Variants in TFEB observed in about 807,000 individuals in gnomAD.
TFEB encodes the protein T-cell transcription factor EB.
A neutral mutation model predicts 48.0 loss-of-function variants in TFEB; 12 were observed. That is an observed-to-expected ratio of 0.25 (90% CI 0.16 to 0.40). The LOEUF (loss-of-function observed/expected upper bound fraction) is 0.40, where lower values mean the gene tolerates loss of function less well. Ranked by LOEUF, TFEB falls within the 10% of genes least tolerant of loss-of-function variation. TFEB has a pLI of 1.00. For missense variants in TFEB, 509 were observed against 640.3 expected, an observed-to-expected ratio of 0.79 and a Z score of 2.21; for synonymous variants, 244 against 261.4, an observed-to-expected ratio of 0.93 and a Z score of 0.64.
At position 41,691,308 on chromosome 6, in the gene TFEB, G is replaced by A. The variant is rs555846882; in HGVS notation, c.-22-73C>T. 1 of 1,446,430 alleles carries A rather than the reference G, an allele frequency of 6.9e-7. No homozygotes were observed. Among genetic ancestry groups the A allele is most frequent in the Non-Finnish European group, 9.5e-7 (1 of 1,051,868 alleles). The allele number at this position is 1,446,430 out of a possible 1,614,324, so 89.6% of individuals were successfully genotyped here. ...AAAGCACAGGGGCTGGCAGGGGGAG[G>A]CCAGAATGACTGGGACCGCATCCAT... On this transcript the variant is annotated intron_variant, in intron 1 of 8. Coordinates refer to ENST00000373033, the MANE Select transcript of TFEB (RefSeq NM_001271944.2). This position sits in a 1 kb window ranked among gnomAD's most constrained non-coding sequence, Gnocchi z 5.2.
chr6:41,716,423 A>G (rs1350888340), intron 1 of TFEB, among the ~76,000 whole-genome samples: 6 of 152,118 alleles, frequency 3.9e-5, no homozygotes, highest in East Asian at 3.9e-4. Context: ...TGGGAAACCT[A>G]TCTGATGAGC....
chr6:41,734,395 G>C lies in TFEB; in HGVS notation c.-23+955C>G. 1.2e-5 allele frequency: 12 copies of C among 984,956 alleles called. No individual in the cohort carries two copies. Among genetic ancestry groups the C allele is most frequent in the Non-Finnish European group, 1.4e-5 (12 of 829,682 alleles). The allele number at this position is 984,956 out of a possible 1,614,324, so 61.0% of individuals were successfully genotyped here. ...CCGGAGCAGCTCGGGGCAGCCGTGC[G>C]TGAAGCCGGAACCCCGCGCGGGGAG... On this transcript the variant is annotated intron_variant, in intron 1 of 8. Transcript: ENST00000373033. The surrounding 1 kb of genome is among the most constrained non-coding windows in gnomAD (Gnocchi z 4.0).
chr6:41,689,652 T>C, intron 4 of TFEB, 79 bp downstream of exon 4: 1 of 1,137,492 alleles, frequency 8.8e-7, no homozygotes, highest in Non-Finnish European at 1.3e-6. Flanking sequence ...CTGTCTCCAC[T>C]CTCTCCAGGC....
intron 1 of TFEB, among the ~76,000 whole-genome samples, chr6:41,727,158 G>A (rs762534924): frequency 1.3e-5 from 2 of 152,220 alleles, no homozygotes; most frequent in Non-Finnish European, 2.9e-5. Context: ...TCACCCTACC[G>A]TGGACCATTC....
intron 1 of TFEB, among the ~76,000 whole-genome samples, chr6:41,695,842 G>A (rs566816484): frequency 6.6e-5 from 10 of 152,168 alleles, no homozygotes; most frequent in Non-Finnish European, 1.5e-4. Context: ...GCTTCTGGGG[G>A]TTTATGGGGG....
chr6:41,701,775 T>G (rs1471073631), intron 1 of TFEB, among the ~76,000 whole-genome samples: 1 of 151,678 alleles, frequency 6.6e-6, no homozygotes, highest in Non-Finnish European at 1.5e-5. Context: ...TGAAACCCTG[T>G]CTCTACTAAA....
At chr6:41,687,611 T>C in intron 6 of TFEB, 142 bp downstream of exon 6, 1 of 1,015,846 alleles carries the variant, frequency 9.8e-7, no homozygotes, top group Non-Finnish European at 1.5e-6. Context: ...GCGACAGCAA[T>C]GGGAGGGCTT....
At chr6:41,716,905 G>C (rs1440687026) in intron 1 of TFEB, among the ~76,000 whole-genome samples, 2 of 152,108 alleles carry the variant, frequency 1.3e-5, no homozygotes, top group Non-Finnish European at 2.9e-5. Context: ...GGAGCATTTC[G>C]AACCTAACTG....
intron 7 of TFEB, 131 bp from the exon 8 acceptor site, chr6:41,686,368 G>A (rs1399741111): frequency 2.4e-6 from 3 of 1,231,852 alleles, no homozygotes; most frequent in Admixed American, 2.3e-5. Flanking sequence ...TGGAGGTGGA[G>A]GTGGCTGATC....
At chr6:41,717,127 G>GC (rs1770771281) in intron 1 of TFEB, among the ~76,000 whole-genome samples, 1 of 152,034 alleles carries the variant, frequency 6.6e-6, no homozygotes, top group African/African-American at 2.4e-5. Flanking sequence ...GGAAAATAGG[G>GC]CCCCCCAGCT....
At chr6:41,714,125 G>A (rs925830367) in intron 1 of TFEB, among the ~76,000 whole-genome samples, 1 of 126,766 alleles carries the variant, frequency 7.9e-6, no homozygotes, top group Non-Finnish European at 1.6e-5. Flanking sequence ...GTGTGTGTGT[G>A]CGTGTGCATG....
chr6:41,713,044 C>T (rs1299408660), intron 1 of TFEB, among the ~76,000 whole-genome samples: 1 of 152,100 alleles, frequency 6.6e-6, no homozygotes, highest in Non-Finnish European at 1.5e-5. Flanking sequence ...CCTCTTTGGC[C>T]AGAGGGAGGG....
At position 41,734,318 on chromosome 6, in the gene TFEB, G is replaced by A; in HGVS notation, c.-23+1032C>T. On this transcript the variant is annotated intron_variant, in intron 1 of 8. Coordinates refer to ENST00000373033, the MANE Select transcript of TFEB (RefSeq NM_001271944.2). The surrounding 1 kb of genome is among the most constrained non-coding windows in gnomAD (Gnocchi z 4.0). ...GGGCTCCCTCCCTTCCTCACCCGGGGCGCGGGGCTGGGGCGCGCCAGGCGG... is the reference window on the plus strand; with the variant it reads ...GGGCTCCCTCCCTTCCTCACCCGGGACGCGGGGCTGGGGCGCGCCAGGCGG... The A allele has an allele frequency of 1.0e-6, 1 of 984,020 alleles. No individual in the cohort carries two copies. Among genetic ancestry groups the A allele is most frequent in the Non-Finnish European group, 1.2e-6 (1 of 828,872 alleles). 61.0% of individuals were successfully genotyped at this position (984,020 alleles called of 1,614,324 possible).
In TFEB at chr6:41,684,899, CG is replaced by C; in HGVS notation, c.1130del (p.Pro377ArgfsTer24). ...PDPEPLPALP[P>X]QAPLPLPTQP... ...GGGTGGGCAGGGGCAGCGGGGCTTG[CG>C]GGGGCAGAGCTGGCAGTGGCTCAGG... On this transcript the variant is annotated frameshift_variant, in exon 9 of 9. Coordinates refer to ENST00000373033, the MANE Select transcript of TFEB (RefSeq NM_001271944.2). LOFTEE classifies it high-confidence loss of function. 6.4e-7 allele frequency: 1 copy of C among 1,568,296 alleles called. No homozygotes were observed. The highest frequency in any genetic ancestry group is 8.6e-7 in the Non-Finnish European group (1 of 1,156,326).
Position 41,687,794 on chromosome 6 carries a change from G to T in TFEB, c.686C>A (p.Ala229Asp), listed in dbSNP as rs1337401046. 6.2e-7 allele frequency: 1 copy of T among 1,614,032 alleles called. No homozygotes were observed. Among genetic ancestry groups the T allele is most frequent in the Non-Finnish European group, 8.5e-7 (1 of 1,179,944 alleles). The change falls in exon 6 of 9, where the codon GCC becomes GAC. Residue 229 changes from alanine to aspartate, a missense_variant. Physicochemically the swap from Ala to Asp is moderately radical, Grantham distance 126. Transcript: ENST00000373033. ...TTTCTTCTGCCGCTCCTTGGCCAGG[G>T]CCCTGCTCTCAGCATCTGGAGGCCA... The part of the protein sequence containing the change: ...KRELTDAESR[A>D]LAKERQKKDN...
chr6:41,734,874 A>G lies in TFEB; in HGVS notation c.-23+476T>C. On this transcript the variant is annotated intron_variant, in intron 1 of 8. Coordinates refer to ENST00000373033, the MANE Select transcript of TFEB (RefSeq NM_001271944.2). The surrounding 1 kb of genome is among the most constrained non-coding windows in gnomAD (Gnocchi z 4.0). ...CCACTCCCCCCGCTGGCCTGGCCAG[A>G]CTCAGCCCCCGCACACCTCCCCTAC... 4.1e-6 allele frequency: 4 copies of G among 982,638 alleles called. No homozygotes were observed. The highest frequency in any genetic ancestry group is 4.8e-6 in the Non-Finnish European group (4 of 828,950). The allele number at this position is 982,638 out of a possible 1,614,324, so 60.9% of individuals were successfully genotyped here.
At chr6:41,687,693 A>T in intron 6 of TFEB, 60 bp downstream of exon 6, 1 of 1,607,834 alleles carries the variant, frequency 6.2e-7, no homozygotes. Flanking sequence ...GTGGCTTTTT[A>T]GCCAGCCCAG....
intron 1 of TFEB, among the ~76,000 whole-genome samples, chr6:41,719,437 G>A (rs1770884867): frequency 6.6e-6 from 1 of 152,160 alleles, no homozygotes; most frequent in Admixed American, 6.5e-5. Context: ...CAAAAAGGTT[G>A]GGGACCGCTG....
chr6:41,701,269 C>T (rs977041647), intron 1 of TFEB, among the ~76,000 whole-genome samples: 2 of 152,170 alleles, frequency 1.3e-5, no homozygotes, highest in Non-Finnish European at 1.5e-5. Context: ...GGGACTGAAC[C>T]CCCACCCCTT....
Sources: allele counts gnomAD v4.1 joint callset (sites outside exome capture counted in the v4.1 genomes callset), GRCh38; gene constraint gnomAD v4.1.1; non-coding constraint Gnocchi (gnomAD v3.1); transcripts MANE v1.5; gene names NCBI Gene and HGNC (gene_info 2026-07-23, HGNC 2026-07-21).